STXBP3: variants seen among roughly 807,000 people sequenced by gnomAD.
STXBP3 encodes syntaxin binding protein 3.
Under a neutral mutation model 85.7 loss-of-function variants are expected in STXBP3, and 41 were observed. That is an observed-to-expected ratio of 0.48 (90% CI 0.37 to 0.62). The LOEUF (loss-of-function observed/expected upper bound fraction) is 0.62, where lower values mean the gene tolerates loss of function less well. STXBP3 is among the 20% of genes least tolerant of loss of function. The pLI is 0.00. For missense variants in STXBP3, 563 were observed against 703.1 expected, an observed-to-expected ratio of 0.80 and a Z score of 2.25; for synonymous variants, 229 against 231.7, an observed-to-expected ratio of 0.99 and a Z score of 0.10.
chr1:108,796,518 G>T (rs1279335187), intron 14 of STXBP3, 102 bp from the exon 15 acceptor site: 8 of 1,232,718 alleles, frequency 6.5e-6, no homozygotes, highest in Non-Finnish European at 9.0e-6. Context: ...TAATTTGACT[G>T]TTTTTTATTT....
At chr1:108,784,931 C>T (rs975778740) in intron 11 of STXBP3, among the ~76,000 whole-genome samples, 3 of 152,214 alleles carry the variant, frequency 2.0e-5, no homozygotes, top group Non-Finnish European at 4.4e-5. Context: ...CCGTGTCTCA[C>T]ATCTGGGTCA....
At chr1:108,769,911 G>A (rs1048989554) in intron 6 of STXBP3, among the ~76,000 whole-genome samples, 1 of 152,150 alleles carries the variant, frequency 6.6e-6, no homozygotes, top group Non-Finnish European at 1.5e-5. Flanking sequence ...GGCTAGTCTG[G>A]GACATAGCCG....
intron 1 of STXBP3, among the ~76,000 whole-genome samples, chr1:108,751,978 G>A (rs1661914967): frequency 6.6e-6 from 1 of 151,936 alleles, no homozygotes. Flanking sequence ...ACCAAATCAG[G>A]TAATAATTTT....
intron 8 of STXBP3, 39 bp from the exon 9 acceptor site, chr1:108,779,247 A>G: frequency 6.3e-7 from 1 of 1,589,886 alleles, no homozygotes; most frequent in Non-Finnish European, 8.6e-7. Flanking sequence ...ACACTAAGAA[A>G]TTGAAGCTGC....
At chr1:108,793,114 C>G (rs1227855577) in intron 11 of STXBP3, among the ~76,000 whole-genome samples, 1 of 142,324 alleles carries the variant, frequency 7.0e-6, no homozygotes, top group Non-Finnish European at 1.5e-5. Flanking sequence ...TTTTAGCACT[C>G]TGCTTCCCAA....
In STXBP3 at chr1:108,807,480, A is replaced by G; in HGVS notation, c.1615A>G (p.Ile539Val). 1 of 1,613,628 alleles carries G rather than the reference A, an allele frequency of 6.2e-7. No individual in the cohort carries two copies. Among genetic ancestry groups the G allele is most frequent in the Non-Finnish European group, 8.5e-7 (1 of 1,179,906 alleles). Residue 539 changes from isoleucine (I) to valine (V), a missense_variant, in exon 18 of 19, where the codon ATC becomes GTC. By Grantham distance (29) the Ile-to-Val change is conservative. Transcript: ENST00000370008. ...GCTGATTGTTTTTGTAATTGGAGGGATCACATACTCTGAAGTGCGTTGTGC... is the reference window on the plus strand; with the variant it reads ...GCTGATTGTTTTTGTAATTGGAGGGGTCACATACTCTGAAGTGCGTTGTGC... ...SKLIVFVIGGITYSEVRCAYE... is the reference protein window; with the variant it reads ...SKLIVFVIGGVTYSEVRCAYE...
intron 4 of STXBP3, among the ~76,000 whole-genome samples, chr1:108,758,042 T>C (rs1662057134): frequency 6.6e-6 from 1 of 152,086 alleles, no homozygotes; most frequent in African/African-American, 2.4e-5. Flanking sequence ...TTTGGATCTT[T>C]CTAATCACTT....
chr1:108,753,017 G>T (rs1392050626), intron 2 of STXBP3, 46 bp from the exon 3 acceptor site: 1 of 1,415,262 alleles, frequency 7.1e-7, no homozygotes, highest in Non-Finnish European at 9.5e-7. Context: ...TTTCATTCTT[G>T]GTAATAGGAT....
At chr1:108,761,045 A>G (rs1370895585) in intron 6 of STXBP3, among the ~76,000 whole-genome samples, 1 of 151,732 alleles carries the variant, frequency 6.6e-6, no homozygotes, top group East Asian at 1.9e-4. Context: ...TTGAGATTAC[A>G]GGCATGCGTC....
At chr1:108,772,958 A>G in intron 7 of STXBP3, 139 bp downstream of exon 7, 1 of 795,630 alleles carries the variant, frequency 1.3e-6, no homozygotes, top group Admixed American at 4.0e-5. Flanking sequence ...CATATAGGAG[A>G]TTTAAAGCTT....
chr1:108,804,277 T>C (rs1192325867), intron 17 of STXBP3, among the ~76,000 whole-genome samples: 2 of 152,154 alleles, frequency 1.3e-5, no homozygotes, highest in Non-Finnish European at 2.9e-5. Flanking sequence ...AGGTCTCTCT[T>C]ACACTGTGTC....
intron 1 of STXBP3, among the ~76,000 whole-genome samples, 187 bp from the exon 2 acceptor site, chr1:108,752,070 C>T (rs1661916899): frequency 6.6e-6 from 1 of 152,080 alleles, no homozygotes; most frequent in African/African-American, 2.4e-5. Flanking sequence ...AAATTGATTA[C>T]AGTTTAAATG....
chr1:108,770,585 G>C (rs1662369963), intron 6 of STXBP3, among the ~76,000 whole-genome samples: 1 of 152,118 alleles, frequency 6.6e-6, no homozygotes, highest in Non-Finnish European at 1.5e-5. Context: ...TATGTCCAGA[G>C]AAATGAATAA....
chr1:108,748,831 AAAAAAC>A (rs1290294779), intron 1 of STXBP3, among the ~76,000 whole-genome samples: 1 of 152,178 alleles, frequency 6.6e-6, no homozygotes, highest in Non-Finnish European at 1.5e-5. Context: ...ACTCAGTCTC[AAAAAAC>A]AAAAACAAAA....
At chr1:108,807,579 T>C in intron 18 of STXBP3, 30 bp downstream of exon 18, 1 of 1,443,100 alleles carries the variant, frequency 6.9e-7, no homozygotes, top group Non-Finnish European at 9.3e-7. Context: ...CTTTTCTGTT[T>C]TTTTTTTTTT....
chr1:108,800,860 C>A (rs980354829), intron 17 of STXBP3, among the ~76,000 whole-genome samples: 1 of 152,202 alleles, frequency 6.6e-6, no homozygotes, highest in Non-Finnish European at 1.5e-5. Context: ...TGTGTTGTGT[C>A]TAGGTATAGT....
chr1:108,755,521 G>GTT (rs1175220927), intron 3 of STXBP3, among the ~76,000 whole-genome samples: 1 of 151,714 alleles, frequency 6.6e-6, no homozygotes, highest in Non-Finnish European at 1.5e-5. Flanking sequence ...CTTTCTCTTT[G>GTT]TTTTTTTAGT....
chr1:108,773,516 TAAGA>T (rs1662517255), intron 7 of STXBP3, among the ~76,000 whole-genome samples: 1 of 152,186 alleles, frequency 6.6e-6, no homozygotes, highest in Admixed American at 6.5e-5. Flanking sequence ...TATGTACATT[TAAGA>T]AAGATTAATA....
intron 17 of STXBP3, among the ~76,000 whole-genome samples, chr1:108,804,411 ACT>A (rs1663288767): frequency 6.6e-6 from 1 of 151,608 alleles, no homozygotes. Flanking sequence ...ATTTTGTCAT[ACT>A]CTCTATCCTC....
Sources: gnomAD v4.1 joint callset for allele counts (sites outside exome capture counted in the v4.1 genomes callset) on GRCh38, gnomAD v4.1.1 for gene constraint, MANE v1.5 for transcripts, NCBI Gene and HGNC (gene_info 2026-07-23, HGNC 2026-07-21) for gene names.